UGDH: variants seen among roughly 807,000 people sequenced by gnomAD.
UGDH encodes the protein UDP-Glc dehydrogenase.
Under a neutral mutation model 50.6 loss-of-function variants are expected in UGDH, and 38 were observed. The observed-to-expected ratio is 0.75, with a 90% CI of 0.58 to 0.98. The LOEUF (loss-of-function observed/expected upper bound fraction) is 0.98. UGDH is among the 50% of genes least tolerant of loss of function. The probability of loss-of-function intolerance (pLI) is 0.00; values close to 1 mark genes in which losing one functional copy is unlikely to be tolerated. For synonymous variants in UGDH, 168 were observed against 199.9 expected, an observed-to-expected ratio of 0.84 and a Z score of 1.35; for missense variants, 465 against 606.2, an observed-to-expected ratio of 0.77 and a Z score of 2.45.
intron 3 of UGDH, 39 bp downstream of exon 3, chr4:39,514,044 G>T (rs750657053): frequency 1.4e-6 from 2 of 1,474,866 alleles, no homozygotes; most frequent in Admixed American, 2.0e-5. Flanking sequence ...ATATAGACAA[G>T]AATACATTAA....
At chr4:39,500,800 G>T (rs537397009) in intron 11 of UGDH, among the ~76,000 whole-genome samples, 1 of 151,514 alleles carries the variant, frequency 6.6e-6, no homozygotes, top group East Asian at 1.9e-4. Context: ...GATTACAGAC[G>T]TGCACCACCA....
rs560663510 is a variant in UGDH at position 39,523,308 on chromosome 4, T to C, written c.-7-1789A>G. ...CTCATGCAATCTGCCTGCCTCAGCC[T>C]CACAAAGTGCTAGCATTACAGGCAC... On this transcript the variant is annotated intron_variant, in intron 1 of 11. Transcript: ENST00000316423. Among the ~76,000 whole-genome samples, 3 of 152,024 alleles carry C rather than the reference T, an allele frequency of 2.0e-5. No individual in the cohort carries two copies. The South Asian group carries it at 6.2e-4, about 32-fold the overall frequency.
chr4:39,515,787 C>T (rs1746418079), intron 2 of UGDH, among the ~76,000 whole-genome samples: 1 of 152,170 alleles, frequency 6.6e-6, no homozygotes, highest in African/African-American at 2.4e-5. Flanking sequence ...GCAACATCCA[C>T]CTACCAGGTT....
At chr4:39,523,024 G>T (rs1746728868) in intron 1 of UGDH, among the ~76,000 whole-genome samples, 1 of 152,100 alleles carries the variant, frequency 6.6e-6, no homozygotes, top group Admixed American at 6.6e-5. Context: ...GCCTCCAAAA[G>T]TGCTGGGATT....
At position 39,521,385 on chromosome 4, in the gene UGDH, T is replaced by C. The variant is rs1253201158; in HGVS notation, c.128A>G (p.Asn43Ser). 1.2e-6 allele frequency: 2 copies of C among 1,611,674 alleles called. No individual in the cohort carries two copies. The highest frequency in any genetic ancestry group is 1.7e-5 in the Admixed American group (1 of 59,588). Residue 43 changes from asparagine to serine, a missense_variant, in exon 2 of 12, where the codon AAT (asparagine) becomes AGT (serine). Coordinates refer to ENST00000316423, the MANE Select transcript of UGDH (RefSeq NM_003359.4). ...TVVDVNESRI[N>S]AWNSPTLPIY... ...AGGAAGTGTAGGAGAATTCCACGCA[T>C]TGATTCTTGATTCATTGACATCAAC...
At chr4:39,502,460 A>G (rs1358919528) in intron 11 of UGDH, among the ~76,000 whole-genome samples, 1 of 152,228 alleles carries the variant, frequency 6.6e-6, no homozygotes, top group Non-Finnish European at 1.5e-5. Flanking sequence ...TACCTCTCCA[A>G]GATAGCTGGT....
rs780030136 is a variant in UGDH, at chr4:39,504,517, A to G, written c.1172-9T>C. The G allele has an allele frequency of 1.2e-6, 2 of 1,611,576 alleles. No individual in the cohort carries two copies. The highest frequency in any genetic ancestry group is 1.7e-6 in the Non-Finnish European group (2 of 1,178,210). On this transcript the variant is annotated splice_polypyrimidine_tract_variant and intron_variant, in intron 9 of 11. Transcript: ENST00000316423. ...GGTCACGAGCCGGGACACTGTAACAATAGCAACAACAAAAAAACAGAAATA... is the reference window on the plus strand; with the variant it reads ...GGTCACGAGCCGGGACACTGTAACAGTAGCAACAACAAAAAAACAGAAATA...
intron 1 of UGDH, among the ~76,000 whole-genome samples, chr4:39,525,143 ATAGTGT>A (rs1333881127): frequency 5.3e-5 from 8 of 152,266 alleles, no homozygotes; most frequent in Admixed American, 2.6e-4. Context: ...GGAGTTTGAC[ATAGTGT>A]TAGTGACACA....
At chr4:39,500,362 G>T (rs1329834337) in intron 11 of UGDH, 109 bp from the exon 12 acceptor site, 3 of 654,666 alleles carry the variant, frequency 4.6e-6, no homozygotes, top group South Asian at 2.8e-5. Context: ...TCTTAGAAAA[G>T]GATTCTCAAG....
chr4:39,504,224 C>T (rs527837458), intron 10 of UGDH, among the ~76,000 whole-genome samples, 193 bp downstream of exon 10: 4 of 151,954 alleles, frequency 2.6e-5, no homozygotes, highest in Non-Finnish European at 4.4e-5. Context: ...AGGAGAATGG[C>T]GTGAACCCAG....
Position 39,514,143 on chromosome 4 carries a change from ATT to A in UGDH, c.202_203del (p.Asn68SerfsTer8). ...CATCAATATTGGTAGAAAAAAAAAG[ATT>A]TTTTCCTCGACAGGATTCTACCACT... ...KEVVESCRGK[N>X]LFFSTNIDDA... On this transcript the variant is annotated frameshift_variant, in exon 3 of 12. Coordinates refer to ENST00000316423, the MANE Select transcript of UGDH (RefSeq NM_003359.4). LOFTEE classifies it high-confidence loss of function. 1 of 1,583,006 alleles carries A rather than the reference ATT, an allele frequency of 6.3e-7. No homozygotes were observed. Among genetic ancestry groups the A allele is most frequent in the Non-Finnish European group, 8.5e-7 (1 of 1,172,798 alleles).
intron 1 of UGDH, among the ~76,000 whole-genome samples, chr4:39,522,264 GATTTATAC>G (rs949207632): frequency 2.6e-5 from 4 of 152,148 alleles, no homozygotes; most frequent in Non-Finnish European, 5.9e-5. Flanking sequence ...ACAAGGAACT[GATTTATAC>G]ATAAGTATGC....
At chr4:39,517,585 T>C (rs1001533362) in intron 2 of UGDH, among the ~76,000 whole-genome samples, 1 of 152,154 alleles carries the variant, frequency 6.6e-6, no homozygotes, top group African/African-American at 2.4e-5. Flanking sequence ...AAAGGAAGTG[T>C]TTTAACTGTT....
chr4:39,500,799 C>T (rs751212818), intron 11 of UGDH, among the ~76,000 whole-genome samples: 22 of 151,382 alleles, frequency 1.5e-4, no homozygotes, highest in Non-Finnish European at 2.2e-4. Flanking sequence ...GGATTACAGA[C>T]GTGCACCACC....
intron 11 of UGDH, among the ~76,000 whole-genome samples, chr4:39,501,548 C>T (rs761929108): frequency 2.0e-4 from 30 of 152,194 alleles, no homozygotes; most frequent in Non-Finnish European, 4.1e-4. Flanking sequence ...GCTGGGATTA[C>T]AGGCGTGAGC....
intron 1 of UGDH, among the ~76,000 whole-genome samples, chr4:39,522,683 G>A (rs1021585692): frequency 2.2e-4 from 33 of 151,932 alleles, no homozygotes; most frequent in African/African-American, 8.0e-4. Flanking sequence ...TTTGTAGCCT[G>A]TGTTAATAAA....
At chr4:39,525,124 C>A (rs556994729) in intron 1 of UGDH, among the ~76,000 whole-genome samples, 28 of 152,228 alleles carry the variant, frequency 1.8e-4, no homozygotes, top group Admixed American at 1.4e-3. Context: ...CTTCAATAAG[C>A]TTTAACATGG....
intron 7 of UGDH, among the ~76,000 whole-genome samples, chr4:39,506,707 C>A (rs1362285019): frequency 6.6e-6 from 1 of 152,178 alleles, no homozygotes; most frequent in Non-Finnish European, 1.5e-5. Context: ...TTTAAGCTTT[C>A]AGGGACCATC....
intron 11 of UGDH, 26 bp from the exon 12 acceptor site, chr4:39,500,279 A>G: frequency 7.2e-7 from 1 of 1,391,990 alleles, no homozygotes; most frequent in Non-Finnish European, 1.0e-6. Flanking sequence ...AATTTAAGAG[A>G]ACTATTAACA....
Sources: gnomAD v4.1 joint callset for allele counts (sites outside exome capture counted in the v4.1 genomes callset) on GRCh38, gnomAD v4.1.1 for gene constraint, MANE v1.5 for transcripts, NCBI Gene and HGNC (gene_info 2026-07-23, HGNC 2026-07-21) for gene names.